Variants in TNC observed in about 807,000 individuals in gnomAD.
TNC encodes tenascin.
Under a neutral mutation model 202.4 loss-of-function variants are expected in TNC, and 109 were observed. The ratio of observed to expected loss-of-function variants is 0.54; its 90% CI spans 0.46 to 0.63. The LOEUF (loss-of-function observed/expected upper bound fraction) is 0.63, where lower values mean the gene tolerates loss of function less well. Among genes scored for constraint, TNC ranks in the 30% least tolerant of loss-of-function variants. The probability of loss-of-function intolerance (pLI) is 0.00; values close to 1 mark genes in which losing one functional copy is unlikely to be tolerated. For missense variants in TNC, 2,756 were observed against 2,833.3 expected, an observed-to-expected ratio of 0.97 and a Z score of 0.62; for synonymous variants, 1,007 against 1,089.7, an observed-to-expected ratio of 0.92 and a Z score of 1.50.
chr9:115,085,221 T>G (rs1002409358), intron 3 of TNC, among the ~76,000 whole-genome samples: 1 of 152,088 alleles, frequency 6.6e-6, no homozygotes, highest in Admixed American at 6.5e-5. Flanking sequence ...AGTGCCCTTT[T>G]AAGGATAGGA....
At chr9:115,105,738 T>G (rs1836566981) in intron 1 of TNC, among the ~76,000 whole-genome samples, 3 of 152,194 alleles carry the variant, frequency 2.0e-5, no homozygotes, top group Admixed American at 2.0e-4. Context: ...CTACAACACG[T>G]TGATAGGTAC....
intron 2 of TNC, among the ~76,000 whole-genome samples, chr9:115,087,811 C>T (rs1385759593): frequency 2.0e-5 from 3 of 150,504 alleles, no homozygotes; most frequent in African/African-American, 7.3e-5. Flanking sequence ...ATGCCATTCT[C>T]CTGCCTCAGC....
At chr9:115,024,646 A>T (rs1183297852) in intron 26 of TNC, among the ~76,000 whole-genome samples, 2 of 152,206 alleles carry the variant, frequency 1.3e-5, no homozygotes, top group Non-Finnish European at 2.9e-5. Context: ...TAATAATGGC[A>T]TGCTTTTCTC....
chr9:115,060,628 G>T (rs1459707093), intron 13 of TNC, among the ~76,000 whole-genome samples: 1 of 152,152 alleles, frequency 6.6e-6, no homozygotes, highest in African/African-American at 2.4e-5. Flanking sequence ...ACTCATGTCA[G>T]GGAGAAATCC....
At chr9:115,111,429 A>ATTTTTTTTTTTTTTT (rs1837055817) in intron 1 of TNC, among the ~76,000 whole-genome samples, 3 of 69,822 alleles carry the variant, frequency 4.3e-5, no homozygotes, top group African/African-American at 1.9e-4. Context: ...TTTTTTTGAG[A>ATTTTTTTTTTTTTTT]TGGAATCTCG....
At position 115,117,992 on chromosome 9, in the gene TNC, G is replaced by T. The variant is rs1217547280; in HGVS notation, c.-147C>A. The T allele has an allele frequency of 3.3e-5, 5 of 152,176 alleles. No individual in the cohort carries two copies. The highest frequency in any genetic ancestry group is 1.2e-4 in the African/African-American group (5 of 41,434). The allele number at this position is 152,176 out of a possible 1,614,324, so 9.4% of individuals were successfully genotyped here. A position where few individuals can be genotyped will look rare whatever the true frequency, so the allele number is the denominator to read the frequency against. ...GCAAAACAGACTTACCTTTCCGATGGGCGAGAGACCTAGGTCCTTGGAAGA... is the reference window on the plus strand; with the variant it reads ...GCAAAACAGACTTACCTTTCCGATGTGCGAGAGACCTAGGTCCTTGGAAGA... On this transcript the variant is annotated 5_prime_UTR_variant, in exon 1 of 28. Coordinates refer to ENST00000350763, the MANE Select transcript of TNC (RefSeq NM_002160.4).
rs1368561209 is a variant in TNC, at chr9:115,064,084, G to T, written c.3488-16C>A. 1.9e-6 allele frequency: 3 copies of T among 1,588,428 alleles called. No homozygotes were observed. The highest frequency in any genetic ancestry group is 8.6e-7 in the Non-Finnish European group (1 of 1,165,212). ...GGAGTTTCCCCTGGAGAAGGACAAAGAACTAGTTTAGTGATCAAATCACAC... is the reference window on the plus strand; with the variant it reads ...GGAGTTTCCCCTGGAGAAGGACAAATAACTAGTTTAGTGATCAAATCACAC... On this transcript the variant is annotated splice_polypyrimidine_tract_variant and intron_variant, in intron 11 of 27. Coordinates refer to ENST00000350763, the MANE Select transcript of TNC (RefSeq NM_002160.4).
chr9:115,053,292 G>A (rs1397218604), intron 15 of TNC, among the ~76,000 whole-genome samples: 6 of 152,210 alleles, frequency 3.9e-5, no homozygotes, highest in Non-Finnish European at 8.8e-5. Context: ...AGTCATGTAT[G>A]AAGAAGAGTA....
Position 115,081,855 on chromosome 9 carries a change from G to A in TNC, c.2321C>T (p.Ala774Val), listed in dbSNP as rs973965312. The change falls in exon 6 of 28, where the codon GCT becomes GTT. Residue 774 changes from alanine (A) to valine (V), a missense_variant. Physicochemically the swap from Ala to Val is moderately conservative, Grantham distance 64. Transcript: ENST00000350763. ...AGATATCTCATACTCTTGCCCAGGA[G>A]CTAGACCAGTTTGCCGGTAAGAGGT... Reference protein sequence around the residue: ...PETSYRQTGLAPGQEYEISLH... With the variant: ...PETSYRQTGLVPGQEYEISLH... The A allele has an allele frequency of 6.2e-7, 1 of 1,605,684 alleles. No homozygotes were observed. Among genetic ancestry groups the A allele is most frequent in the Non-Finnish European group, 8.5e-7 (1 of 1,177,890 alleles).
rs777103623 is a variant in TNC at position 115,048,412 on chromosome 9, C to T, written c.4700G>A (p.Gly1567Glu). 5 of 1,613,994 alleles carry T rather than the reference C, an allele frequency of 3.1e-6. No individual in the cohort carries two copies. Among genetic ancestry groups the T allele is most frequent in the Admixed American group, 1.7e-5 (1 of 59,966 alleles). ...DSFLVTVVDS[G>E]KLLDPQEFTL... is the part of the protein sequence containing the mutation. ...GAATTCCTGGGGGTCCAGCAGCTTC[C>T]CAGAATCCACCACCGTTACTAGAAA... The change falls in exon 16 of 28, where the codon GGG becomes GAG. Residue 1567 changes from glycine (G) to glutamate (E), a missense_variant. Physicochemically the swap from Gly to Glu is moderately conservative, Grantham distance 98. Transcript: ENST00000350763.
chr9:115,076,049 G>T lies in TNC; in HGVS notation c.2933C>A (p.Thr978Asn). ...TGCCCCACCTGTGGCTGCGTTGATGGTCGCTGGATTGCTCTCCTTGTCTTC... is the reference window on the plus strand; with the variant it reads ...TGCCCCACCTGTGGCTGCGTTGATGTTCGCTGGATTGCTCTCCTTGTCTTC... ...VKEDKESNPA[T>N]INAATELDTP... The change falls in exon 9 of 28, where the codon ACC (threonine) becomes AAC (asparagine). Residue 978 changes from threonine to asparagine, a missense_variant. Physicochemically the swap from Thr to Asn is moderately conservative, Grantham distance 65 (BLOSUM62 0). Coordinates refer to ENST00000350763, the MANE Select transcript of TNC (RefSeq NM_002160.4). 1 of 1,614,126 alleles carries T rather than the reference G, an allele frequency of 6.2e-7. No individual in the cohort carries two copies. The highest frequency in any genetic ancestry group is 8.5e-7 in the Non-Finnish European group (1 of 1,180,022).
At chr9:115,077,399 G>T (rs1833956756) in intron 7 of TNC, among the ~76,000 whole-genome samples, 1 of 152,036 alleles carries the variant, frequency 6.6e-6, no homozygotes, top group Non-Finnish European at 1.5e-5. Flanking sequence ...TGCCATGTTG[G>T]CCAGGATGGT....
At chr9:115,037,383 C>G (rs984490080) in intron 20 of TNC, among the ~76,000 whole-genome samples, 1 of 152,204 alleles carries the variant, frequency 6.6e-6, no homozygotes, top group Non-Finnish European at 1.5e-5. Context: ...CTCTCTTTCT[C>G]CAGTCTCTTA....
chr9:115,062,397 G>A (rs565281493), intron 13 of TNC, among the ~76,000 whole-genome samples: 6 of 152,042 alleles, frequency 3.9e-5, no homozygotes, highest in Non-Finnish European at 7.4e-5. Context: ...GCTTGAGCCC[G>A]GGAGTTTGAG....
rs146288119 is a variant in TNC, at chr9:115,085,882, C to T, written c.1849G>A (p.Gly617Arg). ...GRCICNEGYS[G>R]EDCSEVSPPK... is the part of the protein sequence containing the mutation. ...CACTCACCCTCTGAGCAGTCTTCTC[C>T]GCTGTAGCCCTCGTTGCAGATGCAG... Residue 617 changes from glycine (G) to arginine (R), a missense_variant, in exon 3 of 28, where the codon GGA becomes AGA. Gly to Arg is a moderately radical substitution (Grantham distance 125, BLOSUM62 -2). This residue lies in a region of TNC where 2,559 missense variants were observed against 2,546.0 expected (regional missense o/e 1.01). Transcript: ENST00000350763. The T allele has an allele frequency of 2.5e-5, 41 of 1,610,396 alleles. No individual in the cohort carries two copies. Among genetic ancestry groups the T allele is most frequent in the Admixed American group, 1.2e-4 (7 of 59,908 alleles).
At chr9:115,067,513 C>T (rs1351045591) in intron 10 of TNC, among the ~76,000 whole-genome samples, 1 of 152,038 alleles carries the variant, frequency 6.6e-6, no homozygotes, top group Non-Finnish European at 1.5e-5. Context: ...TAAATGCCCC[C>T]TTGAAAGAGA....
At chr9:115,066,192 T>A (rs1288754814) in intron 10 of TNC, among the ~76,000 whole-genome samples, 1 of 152,148 alleles carries the variant, frequency 6.6e-6, no homozygotes, top group East Asian at 1.9e-4. Context: ...TGTTCATTCA[T>A]CTCGCGAATG....
intron 1 of TNC, among the ~76,000 whole-genome samples, chr9:115,096,145 T>G (rs914295918): frequency 3.9e-5 from 6 of 152,220 alleles, no homozygotes; most frequent in African/African-American, 1.2e-4. Flanking sequence ...TGAGATTTTC[T>G]GTGTATCTCC....
chr9:115,030,046 C>T (rs556470937), intron 24 of TNC, among the ~76,000 whole-genome samples: 8 of 152,280 alleles, frequency 5.3e-5, no homozygotes, highest in African/African-American at 1.4e-4. Flanking sequence ...CTTATCTCCC[C>T]GTTTCAAAAA....
Sources: allele counts gnomAD v4.1 joint callset (sites outside exome capture counted in the v4.1 genomes callset), GRCh38; gene constraint gnomAD v4.1.1; regional missense constraint gnomAD v4.1.1; transcripts MANE v1.5; gene names NCBI Gene and HGNC (gene_info 2026-07-23, HGNC 2026-07-21).